RUNX1: variants seen among roughly 807,000 people sequenced by gnomAD.
RUNX1 encodes RUNX family transcription factor 1, also known as runt-related transcription factor 1.
In RUNX1, 19 loss-of-function variants were observed where a neutral mutation model predicts 42.8. The ratio of observed to expected loss-of-function variants is 0.44; its 90% confidence interval spans 0.31 to 0.65. The LOEUF (loss-of-function observed/expected upper bound fraction) is 0.65, where lower values mean the gene tolerates loss of function less well. Ranked by LOEUF, RUNX1 falls within the 30% of genes least tolerant of loss-of-function variation. RUNX1 has a pLI of 0.07. For synonymous variants in RUNX1, 271 were observed against 289.4 expected (o/e 0.94, Z 0.64); for missense variants, 528 against 672.0 (o/e 0.79, Z 2.37).
intron 7 of RUNX1, among the ~76,000 whole-genome samples, chr21:34,801,660 CCA>C (rs1193106513): frequency 6.6e-6 from 1 of 152,164 alleles, no homozygotes; most frequent in African/African-American, 2.4e-5. Context: ...TTTCATGAGA[CCA>C]CAGTGACCTG....
chr21:34,978,777 C>T (rs2058822672), intron 2 of RUNX1, among the ~76,000 whole-genome samples: 2 of 152,140 alleles, frequency 1.3e-5, no homozygotes, highest in African/African-American at 4.8e-5. Flanking sequence ...TACTGATAAA[C>T]TGTGGGCTGT....
intron 2 of RUNX1, among the ~76,000 whole-genome samples, chr21:34,953,726 CTT>C (rs1022747717): frequency 6.6e-6 from 1 of 152,164 alleles, no homozygotes; most frequent in African/African-American, 2.4e-5. Context: ...ATTTATTAGT[CTT>C]TAGGAAAGAC....
rs2059422852 is a variant in RUNX1 at position 35,049,300 on chromosome 21, A to G, written c.-192T>C. On this transcript the variant is annotated 5_prime_UTR_variant, in exon 1 of 9. Transcript: ENST00000675419. ...TGTGGTTGTTTATGAGGCCCAAAGA[A>G]GTTTTCACACAACCCAAATTACAAA... 1 of 211,122 alleles carries G rather than the reference A, an allele frequency of 4.7e-6. No individual in the cohort carries two copies. The highest frequency in any genetic ancestry group is 2.3e-5 in the African/African-American group (1 of 42,956). The allele number at this position is 211,122 out of a possible 1,614,324, so 13.1% of individuals were successfully genotyped here.
intron 5 of RUNX1, among the ~76,000 whole-genome samples, chr21:34,867,378 TGCAGTGAGCC>T (rs1257881063): frequency 6.6e-6 from 1 of 152,192 alleles, no homozygotes; most frequent in Non-Finnish European, 1.5e-5. Context: ...AGGCGGAGGT[TGCAGTGAGCC>T]GAGATCACGC....
At chr21:34,922,669 C>T (rs1201863853) in intron 2 of RUNX1, among the ~76,000 whole-genome samples, 1 of 152,136 alleles carries the variant, frequency 6.6e-6, no homozygotes, top group Non-Finnish European at 1.5e-5. Flanking sequence ...CCACAATTGC[C>T]TGCTGGAGTC....
intron 6 of RUNX1, among the ~76,000 whole-genome samples, chr21:34,855,218 T>C (rs1463785294): frequency 6.6e-6 from 1 of 152,132 alleles, no homozygotes; most frequent in Non-Finnish European, 1.5e-5. Flanking sequence ...CTCACTCTCC[T>C]CAACCTCTCC....
chr21:34,998,094 T>G (rs906167441), intron 2 of RUNX1, among the ~76,000 whole-genome samples: 1 of 152,158 alleles, frequency 6.6e-6, no homozygotes, highest in African/African-American at 2.4e-5. Flanking sequence ...TGGGTAAGCA[T>G]TGCATCTTCT....
chr21:34,803,129 G>A (rs2056631073), intron 7 of RUNX1, among the ~76,000 whole-genome samples: 1 of 152,118 alleles, frequency 6.6e-6, no homozygotes, highest in African/African-American at 2.4e-5. Flanking sequence ...TCTTCAGGCT[G>A]GAGAGGAGCT....
chr21:34,918,246 G>A (rs998138262), intron 2 of RUNX1, among the ~76,000 whole-genome samples: 1 of 152,106 alleles, frequency 6.6e-6, no homozygotes, highest in African/African-American at 2.4e-5. Flanking sequence ...ATCCCTTGGG[G>A]GTGCTCATGA....
chr21:35,045,934 G>A (rs1164723499), intron 2 of RUNX1, among the ~76,000 whole-genome samples: 2 of 152,120 alleles, frequency 1.3e-5, no homozygotes, highest in Admixed American at 1.3e-4. Flanking sequence ...GCATGTGAGT[G>A]TTCAGGCTTT....
Position 34,937,699 on chromosome 21 carries a change from GA to G in RUNX1, c.59-44737del, listed in dbSNP as rs78941402. Among the ~76,000 whole-genome samples, 290 of 137,456 alleles carry G rather than the reference GA, an allele frequency of 2.1e-3. 1 individual carries two copies. The highest frequency in any genetic ancestry group is 3.7e-3 in the African/African-American group (139 of 37,826). The allele number at this position is 137,456 out of a possible 152,430, so 90.2% of individuals were successfully genotyped here. A position where few individuals can be genotyped will look rare whatever the true frequency, so the allele number is the denominator to read the frequency against. On this transcript the variant is annotated intron_variant, in intron 2 of 8. Transcript: ENST00000675419. ...TCTATGAGGTGGTGCAGTTTCCCATGAAAAAAAAAAAAACCAGAAAGAAAAG... is the reference window on the plus strand; with the variant it reads ...TCTATGAGGTGGTGCAGTTTCCCATGAAAAAAAAAAAACCAGAAAGAAAAG...
chr21:34,813,502 C>T (rs1191609433), intron 7 of RUNX1, among the ~76,000 whole-genome samples: 1 of 152,044 alleles, frequency 6.6e-6, no homozygotes, highest in Non-Finnish European at 1.5e-5. Flanking sequence ...TCCTGGGTGG[C>T]TGCAGTCATG....
At chr21:34,888,722 A>C (rs1031673007) in intron 3 of RUNX1, 3 of 1,024,104 alleles carry the variant, frequency 2.9e-6, no homozygotes, top group Non-Finnish European at 3.5e-6. Context: ...ACGTGCTTTT[A>C]CTGTAAGCCC....
chr21:35,048,911 G>GA lies in RUNX1; in HGVS notation c.-13dup. Reference sequence around the variant, plus strand: ...CTGTCTGAAGCCATCGCTTCCTCCTGAAAATGCACCCTCTTCTGAAGGCGG... The same window carrying GA: ...CTGTCTGAAGCCATCGCTTCCTCCTGAAAAATGCACCCTCTTCTGAAGGCGG... On this transcript the variant is annotated 5_prime_UTR_variant, in exon 2 of 9. Transcript: ENST00000675419. 6.2e-7 allele frequency: 1 copy of GA among 1,613,240 alleles called. No homozygotes were observed. The highest frequency in any genetic ancestry group is 1.3e-5 in the African/African-American group (1 of 74,998).
At chr21:34,793,839 G>A (rs1433075193) in intron 8 of RUNX1, among the ~76,000 whole-genome samples, 1 of 151,974 alleles carries the variant, frequency 6.6e-6, no homozygotes, top group Non-Finnish European at 1.5e-5. Context: ...GAGTAGCTGG[G>A]ATTACAGGCG....
rs140259891 is a variant in RUNX1, at chr21:34,949,851, G to A, written c.59-56888C>T. 9.2e-3 allele frequency among the ~76,000 whole-genome samples: 1,398 copies of A among 152,302 alleles called. 23 individuals are homozygous for A. Among genetic ancestry groups the A allele is most frequent in the African/African-American group, 0.032 (1,318 of 41,546 alleles). On this transcript the variant is annotated intron_variant, in intron 2 of 8. Coordinates refer to ENST00000675419, the MANE Select transcript of RUNX1 (RefSeq NM_001754.5). Reference sequence around the variant, plus strand: ...GGGAGTACAAGGATGAATAATACACGAGGCCCTTCTTCAAGGAATTTATAG... The same window carrying A: ...GGGAGTACAAGGATGAATAATACACAAGGCCCTTCTTCAAGGAATTTATAG...
intron 7 of RUNX1, among the ~76,000 whole-genome samples, chr21:34,830,978 A>G (rs1043298458): frequency 2.0e-5 from 3 of 152,180 alleles, no homozygotes; most frequent in Non-Finnish European, 2.9e-5. Context: ...AATGTGATAC[A>G]TCATATTTGG....
Position 34,825,510 on chromosome 21 carries a change from C to G in RUNX1, c.805+8900G>C, listed in dbSNP as rs144969672. Among the ~76,000 whole-genome samples the G allele has an allele frequency of 3.5e-3, 532 of 152,234 alleles. 5 individuals are homozygous for G. The highest frequency in any genetic ancestry group is 0.012 in the African/African-American group (518 of 41,546). On this transcript the variant is annotated intron_variant, in intron 7 of 8. Coordinates refer to ENST00000675419, the MANE Select transcript of RUNX1 (RefSeq NM_001754.5). ...ATGTTGCGTTCAAACAAATGATGGA[C>G]TGAGGTTATAGTAACACGATTGGGG... is the stretch of plus-strand genomic sequence containing the variant.
At chr21:34,994,657 C>A (rs530843646) in intron 2 of RUNX1, among the ~76,000 whole-genome samples, 46 of 150,510 alleles carry the variant, frequency 3.1e-4, no homozygotes, top group Non-Finnish European at 5.9e-5. Flanking sequence ...ACGGGTACTA[C>A]GTACCCGTAA....
Sources: gnomAD v4.1 joint callset for allele counts (sites outside exome capture counted in the v4.1 genomes callset) on GRCh38, gnomAD v4.1.1 for gene constraint, MANE v1.5 for transcripts, NCBI Gene and HGNC (gene_info 2026-07-23, HGNC 2026-07-21) for gene names.